The following ALKBH5 variants were observed in gnomAD, a reference collection of about 807,000 sequenced individuals.
ALKBH5 encodes the protein RNA demethylase ALKBH5.
In ALKBH5, 2 loss-of-function variants were observed where a neutral mutation model predicts 32.1. The observed-to-expected ratio is 0.06, with a 90% CI of 0.03 to 0.20. The LOEUF (loss-of-function observed/expected upper bound fraction) is 0.20, where lower values mean the gene tolerates loss of function less well. Among genes scored for constraint, ALKBH5 ranks in the 10% least tolerant of loss-of-function variants. ALKBH5 has a pLI of 1.00. For synonymous variants in ALKBH5, 300 were observed against 231.7 expected (o/e 1.29, Z -2.68); for missense variants, 352 against 559.5 (o/e 0.63, Z 3.74).
intron 2 of ALKBH5, among the ~76,000 whole-genome samples, chr17:18,198,150 G>A (rs1184072842): frequency 6.6e-6 from 1 of 152,188 alleles, no homozygotes; most frequent in Non-Finnish European, 1.5e-5. Context: ...CATGCAGAAA[G>A]CATCATATAA....
rs2047129369 is a variant in ALKBH5 at position 18,185,022 on chromosome 17, C to T, written c.770+9C>T. The T allele has an allele frequency of 6.2e-7, 1 of 1,600,956 alleles. No homozygotes were observed. Among genetic ancestry groups the T allele is most frequent in the Non-Finnish European group, 8.5e-7 (1 of 1,174,802 alleles). On this transcript the variant is annotated intron_variant, in intron 1 of 3. Coordinates refer to ENST00000399138, the MANE Select transcript of ALKBH5 (RefSeq NM_017758.4). ...AGCGTGACTGTGCTCAGGTAACCCA[C>T]CCGGGTGGAGGGGGCGGCCCTGCGC...
intron 2 of ALKBH5, among the ~76,000 whole-genome samples, chr17:18,201,594 C>T (rs1327465535): frequency 1.3e-5 from 2 of 152,070 alleles, no homozygotes; most frequent in African/African-American, 4.8e-5. Flanking sequence ...CCCATCTCTA[C>T]TAAAATACAA....
In ALKBH5 at chr17:18,190,947, T is replaced by TCTGGGG. The variant is rs1284769658; in HGVS notation, c.771-3995_771-3990dup. On this transcript the variant is annotated intron_variant, in intron 1 of 3. Transcript: ENST00000399138. Reference sequence around the variant, plus strand: ...TTTGCAACATATACTGGTCAGTGCCTCTGGGGCTGGGGCTGGGGGCTCAGC... The same window carrying TCTGGGG: ...TTTGCAACATATACTGGTCAGTGCCTCTGGGGCTGGGGCTGGGGCTGGGGGCTCAGC... Among the ~76,000 whole-genome samples, 6 of 152,284 alleles carry TCTGGGG rather than the reference T, an allele frequency of 3.9e-5. No individual in the cohort carries two copies. In the Middle Eastern group the frequency reaches 0.014, roughly 345 times the overall value.
At chr17:18,193,679 G>C (rs1032700559) in intron 1 of ALKBH5, among the ~76,000 whole-genome samples, 14 of 152,198 alleles carry the variant, frequency 9.2e-5, no homozygotes, top group Admixed American at 6.5e-4. Flanking sequence ...GTTGGCTCTT[G>C]CATCCAGTTA....
intron 2 of ALKBH5, among the ~76,000 whole-genome samples, chr17:18,197,669 C>T (rs988661082): frequency 3.3e-5 from 5 of 152,232 alleles, no homozygotes; most frequent in African/African-American, 9.6e-5. Flanking sequence ...TCAGATGCTC[C>T]TCAGCACAGC....
chr17:18,192,143 G>T (rs1399702952), intron 1 of ALKBH5, among the ~76,000 whole-genome samples: 1 of 152,192 alleles, frequency 6.6e-6, no homozygotes, highest in African/African-American at 2.4e-5. Flanking sequence ...TCCCTGCAGG[G>T]GGAGCCCAGA....
In ALKBH5 at chr17:18,208,282, G is replaced by A. The variant is rs1203313433; in HGVS notation, c.1071G>A (p.Arg357=). The change falls in exon 4 of 4, where the codon CGG becomes CGA. Residue 357 remains arginine (R), a synonymous_variant. Coordinates refer to ENST00000399138, the MANE Select transcript of ALKBH5 (RefSeq NM_017758.4). ...GCTCGGTGCTGCTGCCCACACACCG[G>A]CGGAGGGGTAGCTTCAGCTCTGAGA... The part of the protein sequence containing the change: ...NRRSVLLPTH[R]RRGSFSSENY... The A allele has an allele frequency of 6.2e-7, 1 of 1,614,156 alleles. No homozygotes were observed. The highest frequency in any genetic ancestry group is 8.5e-7 in the Non-Finnish European group (1 of 1,180,028).
At chr17:18,204,277 C>A (rs1470489173) in intron 2 of ALKBH5, among the ~76,000 whole-genome samples, 1 of 151,968 alleles carries the variant, frequency 6.6e-6, no homozygotes, top group Admixed American at 6.6e-5. Flanking sequence ...CATGGAGAAA[C>A]CCCATCTCTA....
chr17:18,183,867 T>TGGCTGCCCGTGACGTCGTGCG lies in ALKBH5; in HGVS notation c.-375_-355dup, dbSNP rs2047115822. On this transcript the variant is annotated 5_prime_UTR_variant, in exon 1 of 4. Coordinates refer to ENST00000399138, the MANE Select transcript of ALKBH5 (RefSeq NM_017758.4). ...GGAGCGGCGCTGGCGGACGTCGGGC[T>TGGCTGCCCGTGACGTCGTGCG]GGCTGCCCGTGACGTCGTGCGGAGA... The TGGCTGCCCGTGACGTCGTGCG allele has an allele frequency of 2.8e-6, 1 of 357,306 alleles. No individual in the cohort carries two copies. Among genetic ancestry groups the TGGCTGCCCGTGACGTCGTGCG allele is most frequent in the African/African-American group, 2.3e-5 (1 of 44,434 alleles). The allele number at this position is 357,306 out of a possible 1,614,324, so 22.1% of individuals were successfully genotyped here.
chr17:18,194,595 C>T (rs1187680195), intron 1 of ALKBH5, among the ~76,000 whole-genome samples: 3 of 152,206 alleles, frequency 2.0e-5, no homozygotes, highest in African/African-American at 7.2e-5. Context: ...GCTGCCTTGG[C>T]TTTCTCTACC....
At chr17:18,197,220 G>A (rs1382754026) in intron 2 of ALKBH5, among the ~76,000 whole-genome samples, 4 of 152,186 alleles carry the variant, frequency 2.6e-5, no homozygotes, top group African/African-American at 4.8e-5. Context: ...AACTTGGTGG[G>A]GTTGGCAGCC....
At chr17:18,206,786 T>C (rs1284558849) in intron 2 of ALKBH5, 29 bp from the exon 3 acceptor site, 2 of 1,609,536 alleles carry the variant, frequency 1.2e-6, no homozygotes, top group Non-Finnish European at 1.7e-6. Flanking sequence ...GGAGGCCCTT[T>C]GGTGACCCCA....
intron 2 of ALKBH5, among the ~76,000 whole-genome samples, chr17:18,199,832 G>A (rs892229240): frequency 2.0e-5 from 3 of 152,124 alleles, no homozygotes; most frequent in Admixed American, 1.3e-4. Flanking sequence ...CAGGCCGGTC[G>A]TGGTGGCTCA....
At chr17:18,197,149 T>TGG (rs969524292) in intron 2 of ALKBH5, among the ~76,000 whole-genome samples, 2 of 152,224 alleles carry the variant, frequency 1.3e-5, no homozygotes, top group Non-Finnish European at 1.5e-5. Context: ...TCCATATCTG[T>TGG]GGGACAGTCC....
At chr17:18,185,312 C>T (rs1181290158) in intron 1 of ALKBH5, among the ~76,000 whole-genome samples, 1 of 151,670 alleles carries the variant, frequency 6.6e-6, no homozygotes, top group Non-Finnish European at 1.5e-5. Context: ...TTTTTTTTCC[C>T]ACCATCCATT....
At chr17:18,188,035 C>T (rs1261699250) in intron 1 of ALKBH5, among the ~76,000 whole-genome samples, 1 of 152,240 alleles carries the variant, frequency 6.6e-6, no homozygotes, top group Non-Finnish European at 1.5e-5. Flanking sequence ...CTCACAGAAT[C>T]TTCTGGAAGT....
Position 18,183,903 on chromosome 17 carries a change from G to GCGGGC in ALKBH5, c.-330_-326dup, listed in dbSNP as rs552269862. 5.8e-4 allele frequency: 285 copies of GCGGGC among 494,200 alleles called. No individual in the cohort carries two copies. The highest frequency in any genetic ancestry group is 4.6e-3 in the African/African-American group (226 of 48,658). 30.6% of individuals were successfully genotyped at this position (494,200 alleles called of 1,614,324 possible). A position where few individuals can be genotyped will look rare whatever the true frequency, so the allele number is the denominator to read the frequency against. ...GACGTCGTGCGGAGAGCTTTAAAGT[G>GCGGGC]CGGGCCGGGCCGGGCGTCCGAGGGT... On this transcript the variant is annotated 5_prime_UTR_variant, in exon 1 of 4. Coordinates refer to ENST00000399138, the MANE Select transcript of ALKBH5 (RefSeq NM_017758.4).
chr17:18,190,369 G>T (rs987104381), intron 1 of ALKBH5, among the ~76,000 whole-genome samples: 2 of 152,096 alleles, frequency 1.3e-5, no homozygotes, highest in Non-Finnish European at 2.9e-5. Flanking sequence ...GGCCAAGATG[G>T]TGAAAGCCCG....
At chr17:18,185,212 C>T (rs1041983470) in intron 1 of ALKBH5, among the ~76,000 whole-genome samples, 199 bp downstream of exon 1, 2 of 152,070 alleles carry the variant, frequency 1.3e-5, no homozygotes, top group Non-Finnish European at 2.9e-5. Context: ...ATGTGGAAAT[C>T]CTGTCCCCGA....
Sources: allele counts gnomAD v4.1 joint callset (sites outside exome capture counted in the v4.1 genomes callset), GRCh38; gene constraint gnomAD v4.1.1; transcripts MANE v1.5; gene names NCBI Gene and HGNC (gene_info 2026-07-23, HGNC 2026-07-21).